The following EYS variants were observed in gnomAD, a reference collection of about 807,000 sequenced individuals.
EYS encodes EGF-like photoreceptor maintenance factor.
In EYS, 250 loss-of-function variants were observed where a neutral mutation model predicts 282.1. The observed-to-expected ratio is 0.89, with a 90% CI of 0.80 to 0.98. The LOEUF is 0.98. Among genes scored for constraint, EYS ranks in the 50% least tolerant of loss-of-function variants. The pLI, the probability that EYS is intolerant of heterozygous loss-of-function variation, is 0.00. For missense variants in EYS, 4,016 were observed against 3,709.0 expected, an observed-to-expected ratio of 1.08 and a Z score of -2.15; for synonymous variants, 1,355 against 1,282.9, an observed-to-expected ratio of 1.06 and a Z score of -1.20.
intron 19 of EYS, among the ~76,000 whole-genome samples, chr6:64,868,268 C>T (rs535991607): frequency 1.3e-5 from 2 of 151,532 alleles, no homozygotes; most frequent in South Asian, 4.1e-4. Context: ...TGAATAAACA[C>T]AAATATTTCT....
chr6:64,159,342 C>T (rs1332471465), intron 31 of EYS, among the ~76,000 whole-genome samples: 2 of 151,886 alleles, frequency 1.3e-5, no homozygotes, highest in East Asian at 3.9e-4. Flanking sequence ...AGGTGAATCA[C>T]GAGGTCAGGA....
intron 2 of EYS, among the ~76,000 whole-genome samples, chr6:65,598,697 C>T (rs1765501884): frequency 6.6e-6 from 1 of 152,086 alleles, no homozygotes; most frequent in Non-Finnish European, 1.5e-5. Flanking sequence ...AGACTACAGG[C>T]TTTCCAGTAC....
intron 5 of EYS, among the ~76,000 whole-genome samples, chr6:65,419,798 T>C (rs951885082): frequency 6.6e-6 from 1 of 151,956 alleles, no homozygotes; most frequent in African/African-American, 2.4e-5. Context: ...CCTGGAGCTA[T>C]TGCAGGTAGG....
intron 12 of EYS, among the ~76,000 whole-genome samples, chr6:65,115,831 A>G (rs1775354337): frequency 6.6e-6 from 1 of 152,152 alleles, no homozygotes; most frequent in African/African-American, 2.4e-5. Flanking sequence ...GGTTACTTGT[A>G]GGACATCATA....
chr6:65,487,919 A>C (rs1419926312), intron 5 of EYS, among the ~76,000 whole-genome samples: 1 of 152,194 alleles, frequency 6.6e-6, no homozygotes, highest in Non-Finnish European at 1.5e-5. Flanking sequence ...GTATGTGTCC[A>C]GGAATTTATC....
intron 37 of EYS, among the ~76,000 whole-genome samples, chr6:63,805,386 G>A (rs1770878824): frequency 6.6e-6 from 1 of 152,038 alleles, no homozygotes; most frequent in Non-Finnish European, 1.5e-5. Flanking sequence ...TTAATTTCTT[G>A]CTCCTTTAAT....
chr6:65,187,355 G>GT (rs953719617), intron 12 of EYS, among the ~76,000 whole-genome samples: 18 of 151,614 alleles, frequency 1.2e-4, no homozygotes, highest in Admixed American at 2.0e-4. Context: ...TCTTCTTACA[G>GT]TTTTTTAATG....
intron 22 of EYS, among the ~76,000 whole-genome samples, chr6:64,664,059 G>A (rs921506401): frequency 6.6e-6 from 1 of 152,174 alleles, no homozygotes; most frequent in African/African-American, 2.4e-5. Flanking sequence ...GGAAGTAAGC[G>A]GCAGGTCTGC....
chr6:64,189,071 T>A (rs1346112977), intron 31 of EYS, among the ~76,000 whole-genome samples: 2 of 152,228 alleles, frequency 1.3e-5, no homozygotes, highest in African/African-American at 4.8e-5. Flanking sequence ...ACAGTTTCCC[T>A]TATCACTTTC....
chr6:64,505,237 A>T (rs1366775088), intron 26 of EYS, among the ~76,000 whole-genome samples: 1 of 152,180 alleles, frequency 6.6e-6, no homozygotes, highest in Non-Finnish European at 1.5e-5. Context: ...ATTCAGAGCT[A>T]TGCAATAATT....
intron 28 of EYS, among the ~76,000 whole-genome samples, chr6:64,400,936 T>C (rs1773521600): frequency 6.6e-6 from 1 of 151,972 alleles, no homozygotes; most frequent in South Asian, 2.1e-4. Flanking sequence ...AAATAGAGTA[T>C]GGAAGAAAAA....
At chr6:64,909,613 C>A (rs1323035903) in intron 16 of EYS, among the ~76,000 whole-genome samples, 1 of 151,994 alleles carries the variant, frequency 6.6e-6, no homozygotes, top group Non-Finnish European at 1.5e-5. Context: ...TCATAGAGAC[C>A]CAATTAATCA....
rs1199002175 is a variant in EYS at position 64,802,023 on chromosome 6, C to CTTTTTTTTTTTTTTTTTTTTTT, written c.3443+11354_3443+11355insAAAAAAAAAAAAAAAAAAAAAA. On this transcript the variant is annotated intron_variant, in intron 22 of 42. Coordinates refer to ENST00000503581, the MANE Select transcript of EYS (RefSeq NM_001142800.2). ...AGAGAGTTATAACAAATTTCTTTTT[C>CTTTTTTTTTTTTTTTTTTTTTT]TTTTTTTTTCTTTTTTTTTTTTTTT... Among the ~76,000 whole-genome samples the CTTTTTTTTTTTTTTTTTTTTTT allele has an allele frequency of 7.1e-5, 5 of 70,780 alleles. 2 individuals carry two copies. The highest frequency in any genetic ancestry group is 1.4e-4 in the Non-Finnish European group (5 of 37,032). The allele number at this position is 70,780 out of a possible 152,430, so 46.4% of individuals were successfully genotyped here. A position where few individuals can be genotyped will look rare whatever the true frequency, so the allele number is the denominator to read the frequency against.
chr6:65,608,247 A>G (rs354392), intron 2 of EYS, among the ~76,000 whole-genome samples: 3 of 151,848 alleles, frequency 2.0e-5, no homozygotes, highest in African/African-American at 7.3e-5. Context: ...ACTACTGTAC[A>G]GAATACTGGA....
Position 63,721,429 on chromosome 6 carries a change from C to G in EYS, c.8602G>C (p.Gly2868Arg). 6.4e-7 allele frequency: 1 copy of G among 1,551,638 alleles called. No individual in the cohort carries two copies. The highest frequency in any genetic ancestry group is 1.7e-4 in the Middle Eastern group (1 of 5,992). ...LQLTEFGAKGGSNVGDCDGTA... is the reference protein window; with the variant it reads ...LQLTEFGAKGRSNVGDCDGTA... ...CCATCACAGTCACCTACATTTGAGC[C>G]ACCTTTTGCTCCAAATTCAGTTAAT... Residue 2868 changes from glycine to arginine, a missense_variant, in exon 43 of 43, where the codon GGC becomes CGC. Gly to Arg is a moderately radical substitution (Grantham distance 125). Coordinates refer to ENST00000503581, the MANE Select transcript of EYS (RefSeq NM_001142800.2).
At chr6:64,421,166 T>TA (rs1366144093) in intron 28 of EYS, among the ~76,000 whole-genome samples, 2 of 152,066 alleles carry the variant, frequency 1.3e-5, no homozygotes, top group African/African-American at 4.8e-5. Context: ...ACAAGAAACT[T>TA]AAAATCATGG....
chr6:64,846,105 T>C (rs1381789260), intron 19 of EYS, among the ~76,000 whole-genome samples: 1 of 152,182 alleles, frequency 6.6e-6, no homozygotes, highest in Non-Finnish European at 1.5e-5. Flanking sequence ...TAACTCTCTG[T>C]TTATCCAAAG....
chr6:65,703,067 C>T (rs949167902), intron 1 of EYS, among the ~76,000 whole-genome samples: 14 of 152,090 alleles, frequency 9.2e-5, no homozygotes, highest in Middle Eastern at 3.2e-3. Context: ...AACTGCCTTC[C>T]AATTAGAGCT....
At chr6:64,114,527 G>A (rs145893642) in intron 31 of EYS, among the ~76,000 whole-genome samples, 16 of 152,158 alleles carry the variant, frequency 1.1e-4, no homozygotes, top group South Asian at 4.1e-4. Flanking sequence ...CTAAATAATC[G>A]CATAGAGAGG....
Sources: allele counts gnomAD v4.1 joint callset (sites outside exome capture counted in the v4.1 genomes callset), GRCh38; gene constraint gnomAD v4.1.1; transcripts MANE v1.5; gene names NCBI Gene and HGNC (gene_info 2026-07-23, HGNC 2026-07-21).